OSBP2: variants seen among roughly 807,000 people sequenced by gnomAD.
The protein encoded by OSBP2 is oxysterol binding protein 2, also known as oxysterol-binding protein 2.
A neutral mutation model predicts 96.0 loss-of-function variants in OSBP2; 66 were observed. The observed-to-expected ratio is 0.69, with a 90% confidence interval of 0.56 to 0.84. The LOEUF is 0.84. OSBP2 is among the 40% of genes least tolerant of loss of function. The pLI, the probability that OSBP2 is intolerant of heterozygous loss-of-function variation, is 0.00. For missense variants in OSBP2, 1,038 were observed against 1,222.7 expected, an observed-to-expected ratio of 0.85 and a Z score of 2.25; for synonymous variants, 525 against 520.9, an observed-to-expected ratio of 1.01 and a Z score of -0.11.
At chr22:30,827,563 G>A (rs77245024) in intron 2 of OSBP2, among the ~76,000 whole-genome samples, 2,085 of 152,276 alleles carry the variant, frequency 0.014, 30 homozygotes, top group Middle Eastern at 0.044. Context: ...GCTCCTTATA[G>A]GAATGCACAT....
At chr22:30,873,724 G>T (rs887814097) in intron 3 of OSBP2, among the ~76,000 whole-genome samples, 1 of 152,236 alleles carries the variant, frequency 6.6e-6, no homozygotes, top group Admixed American at 6.5e-5. Flanking sequence ...TCTTCCTCGT[G>T]AAATGCTGTG....
intron 2 of OSBP2, among the ~76,000 whole-genome samples, chr22:30,827,841 A>G (rs549459738): frequency 1.3e-4 from 20 of 152,356 alleles, no homozygotes; most frequent in South Asian, 2.1e-4. Context: ...TGCTTAATCA[A>G]TGGTAGCAAG....
At chr22:30,694,344 G>C, upstream of OSBP2, 4 of 1,537,312 alleles carry the variant, frequency 2.6e-6, no homozygotes, top group Non-Finnish European at 3.5e-6. Context: ...CCCACAGACA[G>C]GTAATGGCTG....
At chr22:30,698,323 G>T (rs568110204) in intron 1 of OSBP2, among the ~76,000 whole-genome samples, 1 of 152,244 alleles carries the variant, frequency 6.6e-6, no homozygotes, top group African/African-American at 2.4e-5. Context: ...TTTCCTTGGG[G>T]GCTGGTAGAG....
chr22:30,802,123 AC>A (rs2090858760), intron 2 of OSBP2, among the ~76,000 whole-genome samples: 1 of 152,062 alleles, frequency 6.6e-6, no homozygotes, highest in South Asian at 2.1e-4. Context: ...GCCCCACCCC[AC>A]CCTCATGTTT....
chr22:30,883,156 C>T (rs1336098048), intron 3 of OSBP2, among the ~76,000 whole-genome samples: 1 of 152,180 alleles, frequency 6.6e-6, no homozygotes, highest in Non-Finnish European at 1.5e-5. Flanking sequence ...CCTTGTGCAG[C>T]CAGATAGGCA....
intron 2 of OSBP2, among the ~76,000 whole-genome samples, chr22:30,865,119 T>G (rs2039306294): frequency 6.6e-6 from 1 of 152,186 alleles, no homozygotes; most frequent in Non-Finnish European, 1.5e-5. Context: ...CTGGCTCCCC[T>G]GCGCTAGATG....
intron 1 of OSBP2, among the ~76,000 whole-genome samples, chr22:30,725,997 C>T (rs1480600965): frequency 6.6e-6 from 1 of 152,058 alleles, no homozygotes; most frequent in Non-Finnish European, 1.5e-5. Flanking sequence ...CTAGGCTGAT[C>T]TCAAACTCCT....
At chr22:30,719,148 T>C (rs2089506959) in intron 1 of OSBP2, among the ~76,000 whole-genome samples, 1 of 152,022 alleles carries the variant, frequency 6.6e-6, no homozygotes, top group Non-Finnish European at 1.5e-5. Context: ...CCTGAGTGCC[T>C]CGCAGTCCTC....
At chr22:30,810,798 C>T (rs951758324) in intron 2 of OSBP2, among the ~76,000 whole-genome samples, 2 of 152,164 alleles carry the variant, frequency 1.3e-5, no homozygotes, top group Non-Finnish European at 2.9e-5. Context: ...TGCACTGATG[C>T]GGTGGCTTCT....
intron 2 of OSBP2, among the ~76,000 whole-genome samples, chr22:30,804,870 C>G (rs1426548963): frequency 6.6e-6 from 1 of 152,120 alleles, no homozygotes; most frequent in Non-Finnish European, 1.5e-5. Context: ...ATATGAAGTC[C>G]AGAAGCATAA....
chr22:30,871,380 C>T lies in OSBP2; in HGVS notation c.1107+698C>T, dbSNP rs770339820. Among the ~76,000 whole-genome samples, 1 of 151,982 alleles carries T rather than the reference C, an allele frequency of 6.6e-6. No individual in the cohort carries two copies. Among genetic ancestry groups the T allele is most frequent in the Non-Finnish European group, 1.5e-5 (1 of 67,978 alleles). ...TCCCTCTTTCTGTCTGGGGAGTGTT[C>T]CCCAGAAGTGTGCGTGCTCCTCCAG... On this transcript the variant is annotated intron_variant, in intron 3 of 13. Transcript: ENST00000332585. The surrounding 1 kb of genome is among the most constrained non-coding windows in gnomAD (Gnocchi z 4.7).
At chr22:30,765,348 T>C (rs2090257385) in intron 2 of OSBP2, among the ~76,000 whole-genome samples, 1 of 152,198 alleles carries the variant, frequency 6.6e-6, no homozygotes. Flanking sequence ...TAGCTGGGAT[T>C]ACAGGCTTGT....
At chr22:30,839,657 T>C (rs2038707262) in intron 2 of OSBP2, among the ~76,000 whole-genome samples, 1 of 151,966 alleles carries the variant, frequency 6.6e-6, no homozygotes, top group South Asian at 2.1e-4. Flanking sequence ...TTGAGAAGTG[T>C]CTGTTCATAT....
At chr22:30,850,306 CA>C (rs145695204) in intron 2 of OSBP2, among the ~76,000 whole-genome samples, 4,065 of 121,036 alleles carry the variant, frequency 0.034, 152 homozygotes, top group African/African-American at 0.11. Flanking sequence ...GACTCTGTCT[CA>C]AAAAAAAAAA....
intron 2 of OSBP2, among the ~76,000 whole-genome samples, chr22:30,830,809 T>C (rs2038505073): frequency 6.6e-6 from 1 of 152,194 alleles, no homozygotes; most frequent in Non-Finnish European, 1.5e-5. Context: ...ATTATCCCTT[T>C]GCCACTGTTT....
At chr22:30,737,914 A>G (rs1373395990) in intron 1 of OSBP2, among the ~76,000 whole-genome samples, 2 of 151,794 alleles carry the variant, frequency 1.3e-5, no homozygotes, top group Non-Finnish European at 2.9e-5. Context: ...GGGTTTCACT[A>G]TGTTGGCCAG....
intron 1 of OSBP2, among the ~76,000 whole-genome samples, chr22:30,728,016 A>C (rs999317082): frequency 6.6e-6 from 1 of 151,724 alleles, no homozygotes. Context: ...GAGGCAGGAA[A>C]ATTGCTTGAA....
intron 2 of OSBP2, among the ~76,000 whole-genome samples, chr22:30,763,957 G>A (rs896248893): frequency 6.6e-6 from 1 of 152,192 alleles, no homozygotes; most frequent in African/African-American, 2.4e-5. Flanking sequence ...AAGATGGCTT[G>A]TTCGCTTTCT....
Sources: gnomAD v4.1 joint callset for allele counts (sites outside exome capture counted in the v4.1 genomes callset) on GRCh38, gnomAD v4.1.1 for gene constraint, Gnocchi (gnomAD v3.1) non-coding constraint, MANE v1.5 for transcripts, NCBI Gene and HGNC (gene_info 2026-07-23, HGNC 2026-07-21) for gene names.